Variants in CTNNA2 observed in about 807,000 individuals in gnomAD.
CTNNA2 encodes the protein catenin alpha-2.
CTNNA2 carries 42 observed loss-of-function variants against 101.0 expected under a neutral mutation model. The ratio of observed to expected loss-of-function variants is 0.42; its 90% CI spans 0.32 to 0.54. The LOEUF is 0.54. Among genes scored for constraint, CTNNA2 ranks in the 20% least tolerant of loss-of-function variants. The probability of loss-of-function intolerance (pLI) is 0.14; values close to 1 mark genes in which losing one functional copy is unlikely to be tolerated. For missense variants in CTNNA2, 871 were observed against 1,223.1 expected (o/e 0.71, Z 4.29); for synonymous variants, 450 against 456.4 (o/e 0.99, Z 0.18).
chr2:79,705,014 A>G (rs1291906226), intron 2 of CTNNA2, among the ~76,000 whole-genome samples: 3 of 152,122 alleles, frequency 2.0e-5, no homozygotes, highest in Non-Finnish European at 4.4e-5. Context: ...ACCACTGGGG[A>G]CATTTGTCAA....
intron 1 of CTNNA2, among the ~76,000 whole-genome samples, chr2:79,618,041 C>T (rs1463955096): frequency 1.3e-5 from 2 of 152,058 alleles, no homozygotes; most frequent in African/African-American, 4.8e-5. Flanking sequence ...CATGGACACC[C>T]CCATCCCCAC....
chr2:80,009,508 C>T (rs193164245), intron 7 of CTNNA2, among the ~76,000 whole-genome samples: 13 of 152,218 alleles, frequency 8.5e-5, no homozygotes, highest in East Asian at 1.9e-4. Flanking sequence ...GTTTGTACTT[C>T]GCAATATTCC....
intron 3 of CTNNA2, among the ~76,000 whole-genome samples, chr2:79,776,313 A>G (rs1673960624): frequency 6.6e-6 from 1 of 152,198 alleles, no homozygotes; most frequent in African/African-American, 2.4e-5. Flanking sequence ...TTAGAAAGGT[A>G]CTATGTGATT....
chr2:80,417,749 A>G (rs1288115512), intron 8 of CTNNA2, among the ~76,000 whole-genome samples: 1 of 152,066 alleles, frequency 6.6e-6, no homozygotes, highest in Non-Finnish European at 1.5e-5. Flanking sequence ...TTATAAGCAT[A>G]TCTTTCTGGC....
chr2:79,602,871 T>C (rs935347571), intron 1 of CTNNA2, among the ~76,000 whole-genome samples: 5 of 152,290 alleles, frequency 3.3e-5, no homozygotes, highest in Middle Eastern at 6.8e-3. Flanking sequence ...ATAGTAAAGA[T>C]GTCACTTCCC....
chr2:79,863,191 T>C (rs1681761569), intron 4 of CTNNA2, among the ~76,000 whole-genome samples: 1 of 152,020 alleles, frequency 6.6e-6, no homozygotes, highest in Non-Finnish European at 1.5e-5. Context: ...AATTGGCCTC[T>C]CAGTCATGTG....
At chr2:79,902,224 A>G (rs1050543226) in intron 6 of CTNNA2, among the ~76,000 whole-genome samples, 11 of 152,176 alleles carry the variant, frequency 7.2e-5, no homozygotes, top group African/African-American at 2.7e-4. Context: ...CAGAAAGGAT[A>G]CATGAGGTAA....
intron 7 of CTNNA2, among the ~76,000 whole-genome samples, chr2:80,012,455 A>G (rs1331060059): frequency 1.3e-5 from 2 of 152,128 alleles, no homozygotes; most frequent in South Asian, 2.1e-4. Flanking sequence ...AGGCTGTCCA[A>G]AGGTATCTGC....
chr2:79,854,868 G>A (rs917889579), intron 3 of CTNNA2, among the ~76,000 whole-genome samples: 2 of 152,076 alleles, frequency 1.3e-5, no homozygotes, highest in Admixed American at 6.5e-5. Flanking sequence ...ATTTCTTAGC[G>A]AAATATTTCA....
intron 9 of CTNNA2, among the ~76,000 whole-genome samples, chr2:80,494,413 A>G (rs2017913): frequency 0.13 from 19,295 of 152,206 alleles, 1,595 homozygotes; most frequent in East Asian, 0.45. Flanking sequence ...AAAGAGTAAC[A>G]GTGGCTGTCC....
At chr2:79,669,768 CTGTCCTCTT>C (rs1028668720) in intron 2 of CTNNA2, among the ~76,000 whole-genome samples, 4 of 152,202 alleles carry the variant, frequency 2.6e-5, no homozygotes, top group African/African-American at 9.6e-5. Flanking sequence ...TGTCATCTCT[CTGTCCTCTT>C]TGTCCTCTGG....
intron 1 of CTNNA2, among the ~76,000 whole-genome samples, chr2:79,543,295 G>C (rs1348776914): frequency 6.6e-6 from 1 of 152,162 alleles, no homozygotes; most frequent in Non-Finnish European, 1.5e-5. Flanking sequence ...CAATCGTTAT[G>C]AGCTGGATAT....
At chr2:79,521,704 G>T (rs969044356) in intron 1 of CTNNA2, among the ~76,000 whole-genome samples, 3 of 152,114 alleles carry the variant, frequency 2.0e-5, no homozygotes, top group Non-Finnish European at 4.4e-5. Flanking sequence ...TGATATAGAG[G>T]CCTGCCTTGT....
chr2:79,247,470 T>G (rs1446951698), intron 2 of CTNNA2, among the ~76,000 whole-genome samples: 2 of 152,340 alleles, frequency 1.3e-5, no homozygotes, highest in South Asian at 4.1e-4. Context: ...GCATTGCAAT[T>G]AGTTATTTAC....
chr2:79,507,845 G>A (rs1671447631), intron 5 of CTNNA2, among the ~76,000 whole-genome samples: 1 of 152,092 alleles, frequency 6.6e-6, no homozygotes, highest in African/African-American at 2.4e-5. Flanking sequence ...TCTCTTAAAT[G>A]AACTTCATGC....
rs144733249 is a variant in CTNNA2 at position 79,855,698 on chromosome 2, A to C, written c.299-2315A>C. 1.4e-3 allele frequency among the ~76,000 whole-genome samples: 201 copies of C among 147,980 alleles called. 1 individual carries two copies. Among genetic ancestry groups the C allele is most frequent in the African/African-American group, 4.7e-3 (189 of 39,956 alleles). The stretch of plus-strand genomic sequence containing the variant: ...CCATGCTAGGGCTCATACCGATTTC[A>C]CCTGCAGGAACTGGGATCAACCATG... On this transcript the variant is annotated intron_variant, in intron 3 of 18. Transcript: ENST00000402739.
At chr2:79,899,734 G>A (rs910312695) in intron 6 of CTNNA2, among the ~76,000 whole-genome samples, 22 of 152,058 alleles carry the variant, frequency 1.4e-4, no homozygotes, top group African/African-American at 4.3e-4. Context: ...ATATGCCTGC[G>A]AAGCAAAAGT....
At chr2:79,677,251 C>T (rs183682450) in intron 2 of CTNNA2, among the ~76,000 whole-genome samples, 27 of 152,254 alleles carry the variant, frequency 1.8e-4, no homozygotes, top group Non-Finnish European at 3.2e-4. Flanking sequence ...CACACTGTTT[C>T]CCCTTTAAAG....
At chr2:79,942,905 T>C (rs920719194) in intron 7 of CTNNA2, among the ~76,000 whole-genome samples, 1 of 152,190 alleles carries the variant, frequency 6.6e-6, no homozygotes, top group Non-Finnish European at 1.5e-5. Context: ...TGAATGTTAG[T>C]CTTCATTGAA....
Sources: allele counts gnomAD v4.1 joint callset (sites outside exome capture counted in the v4.1 genomes callset), GRCh38; gene constraint gnomAD v4.1.1; transcripts MANE v1.5; gene names NCBI Gene and HGNC (gene_info 2026-07-23, HGNC 2026-07-21).